The following ENAH variants were observed in gnomAD, a reference collection of about 807,000 sequenced individuals.
ENAH encodes protein enabled homolog.
Under a neutral mutation model 78.7 loss-of-function variants are expected in ENAH, and 23 were observed. The ratio of observed to expected loss-of-function variants is 0.29; its 90% CI spans 0.21 to 0.41. The LOEUF (loss-of-function observed/expected upper bound fraction) is 0.41. ENAH is among the 10% of genes least tolerant of loss of function. The pLI is 1.00. For missense variants in ENAH, 544 were observed against 691.0 expected (o/e 0.79, Z 2.39); for synonymous variants, 226 against 241.0 (o/e 0.94, Z 0.58).
intron 1 of ENAH, among the ~76,000 whole-genome samples, chr1:225,644,396 C>T (rs980912633): frequency 2.6e-4 from 40 of 152,128 alleles, no homozygotes; most frequent in Admixed American, 2.0e-3. Flanking sequence ...ATACATAAAT[C>T]TTAAATTGTT....
At chr1:225,583,538 C>T (rs1052159757) in intron 1 of ENAH, among the ~76,000 whole-genome samples, 2 of 150,370 alleles carry the variant, frequency 1.3e-5, no homozygotes, top group African/African-American at 4.9e-5. Context: ...AGGCTGGGCG[C>T]AGTGGCACAT....
chr1:225,498,917 C>T (rs1469864857), intron 12 of ENAH, among the ~76,000 whole-genome samples: 1 of 152,106 alleles, frequency 6.6e-6, no homozygotes, highest in Non-Finnish European at 1.5e-5. Flanking sequence ...AGGGATTGCC[C>T]TAATGGGTAG....
chr1:225,626,948 G>C (rs893295727), intron 1 of ENAH, among the ~76,000 whole-genome samples: 1 of 152,094 alleles, frequency 6.6e-6, no homozygotes, highest in African/African-American at 2.4e-5. Flanking sequence ...AAAGAGGAAT[G>C]GTATTTCACG....
chr1:225,592,804 C>A (rs2096883244), intron 1 of ENAH, among the ~76,000 whole-genome samples: 1 of 146,080 alleles, frequency 6.8e-6, no homozygotes, highest in Non-Finnish European at 1.5e-5. Flanking sequence ...TGGCTGCAGA[C>A]CAGATATTTA....
intron 12 of ENAH, among the ~76,000 whole-genome samples, chr1:225,500,116 C>T (rs528076452): frequency 1.3e-5 from 2 of 152,270 alleles, no homozygotes; most frequent in Admixed American, 1.3e-4. Flanking sequence ...ATTCAGTACA[C>T]GGCAAAACAA....
intron 1 of ENAH, among the ~76,000 whole-genome samples, chr1:225,609,801 GCA>G (rs2096978199): frequency 6.6e-6 from 1 of 151,038 alleles, no homozygotes; most frequent in African/African-American, 2.4e-5. Flanking sequence ...GTATCTGGGA[GCA>G]CAGGCATGCG....
At chr1:225,611,468 A>G (rs1023449363) in intron 1 of ENAH, among the ~76,000 whole-genome samples, 3 of 152,062 alleles carry the variant, frequency 2.0e-5, no homozygotes, top group African/African-American at 7.2e-5. Flanking sequence ...ACAAGCGTGC[A>G]TCACCACGCC....
At chr1:225,529,356 G>T (rs895772901) in intron 4 of ENAH, among the ~76,000 whole-genome samples, 11 of 152,042 alleles carry the variant, frequency 7.2e-5, no homozygotes, top group Non-Finnish European at 1.5e-5. Context: ...ACTTACATAG[G>T]TATCTGCTTG....
At chr1:225,625,416 G>A (rs773839041) in intron 1 of ENAH, among the ~76,000 whole-genome samples, 2 of 152,072 alleles carry the variant, frequency 1.3e-5, no homozygotes, top group African/African-American at 4.8e-5. Flanking sequence ...TTGAACTCCT[G>A]CCTTTTCTTC....
chr1:225,556,315 C>A (rs929324535), intron 2 of ENAH, among the ~76,000 whole-genome samples: 1 of 152,204 alleles, frequency 6.6e-6, no homozygotes, highest in African/African-American at 2.4e-5. Context: ...TAGTAATTTA[C>A]ATTTCCACAA....
chr1:225,528,415 G>C (rs1418860676), intron 4 of ENAH, among the ~76,000 whole-genome samples: 1 of 152,142 alleles, frequency 6.6e-6, no homozygotes, highest in African/African-American at 2.4e-5. Flanking sequence ...ATGAGGGGGT[G>C]AAACACAAAC....
intron 1 of ENAH, among the ~76,000 whole-genome samples, chr1:225,570,032 C>T (rs2096753110): frequency 6.6e-6 from 1 of 151,914 alleles, no homozygotes; most frequent in African/African-American, 2.4e-5. Flanking sequence ...ATGGGGAAAC[C>T]CTATCTCTAC....
intron 2 of ENAH, among the ~76,000 whole-genome samples, chr1:225,565,291 C>A (rs1181727958): frequency 6.6e-6 from 1 of 151,984 alleles, no homozygotes; most frequent in Non-Finnish European, 1.5e-5. Context: ...CAAAATTAGC[C>A]AGGCATGGTG....
chr1:225,623,973 G>A (rs1273216106), intron 1 of ENAH, among the ~76,000 whole-genome samples: 1 of 152,170 alleles, frequency 6.6e-6, no homozygotes, highest in Non-Finnish European at 1.5e-5. Flanking sequence ...CTTTGTGTCT[G>A]TGTGTAACCA....
intron 3 of ENAH, among the ~76,000 whole-genome samples, chr1:225,550,763 AAGT>A: frequency 6.6e-6 from 1 of 152,278 alleles, no homozygotes; most frequent in Non-Finnish European, 1.5e-5. Flanking sequence ...AACCCAGCAA[AAGT>A]AGTCTTTTAG....
chr1:225,544,912 C>T (rs1213940864), intron 3 of ENAH, among the ~76,000 whole-genome samples: 5 of 152,068 alleles, frequency 3.3e-5, no homozygotes, highest in Non-Finnish European at 7.4e-5. Flanking sequence ...CTAGTAACAA[C>T]AGTTACTGCT....
At chr1:225,599,533 C>T (rs1575669033) in intron 1 of ENAH, among the ~76,000 whole-genome samples, 1 of 152,124 alleles carries the variant, frequency 6.6e-6, no homozygotes, top group African/African-American at 2.4e-5. Context: ...TGGCTGGGTG[C>T]GGTGGCTCAC....
intron 1 of ENAH, among the ~76,000 whole-genome samples, chr1:225,636,389 T>C (rs932016291): frequency 1.6e-4 from 25 of 152,214 alleles, no homozygotes; most frequent in Non-Finnish European, 1.0e-4. Context: ...CCAAATATAT[T>C]TGATGTCTTG....
At position 225,652,905 on chromosome 1, in the gene ENAH, GA is replaced by G; in HGVS notation, c.-216del. 2.5e-6 allele frequency: 1 copy of G among 395,952 alleles called. No individual in the cohort carries two copies. The highest frequency in any genetic ancestry group is 4.4e-6 in the Non-Finnish European group (1 of 225,476). 24.5% of individuals were successfully genotyped at this position (395,952 alleles called of 1,614,324 possible). ...AGAAGAGGGCGAGAGAAAGGCTGGG[GA>G]GGGGGCGGAGAGGCCGAGGCGCGGA... On this transcript the variant is annotated 5_prime_UTR_variant, in exon 1 of 14. Transcript: ENST00000366843.
Sources: allele counts gnomAD v4.1 joint callset (sites outside exome capture counted in the v4.1 genomes callset), GRCh38; gene constraint gnomAD v4.1.1; transcripts MANE v1.5; gene names NCBI Gene and HGNC (gene_info 2026-07-23, HGNC 2026-07-21).